The following KLHL29 variants were observed in gnomAD, a reference collection of about 807,000 sequenced individuals.
KLHL29 encodes the protein kelch-like protein 29.
In KLHL29, 21 loss-of-function variants were observed where a neutral mutation model predicts 80.4. The observed-to-expected ratio is 0.26, with a 90% CI of 0.19 to 0.38. KLHL29 has a LOEUF of 0.38. Among genes scored for constraint, KLHL29 ranks in the 10% least tolerant of loss-of-function variants. The pLI, the probability that KLHL29 is intolerant of heterozygous loss-of-function variation, is 1.00. For synonymous variants in KLHL29, 511 were observed against 526.8 expected (o/e 0.97, Z 0.41); for missense variants, 867 against 1,223.9 (o/e 0.71, Z 4.35).
chr2:23,612,944 G>A (rs1023059711), intron 3 of KLHL29, among the ~76,000 whole-genome samples: 5 of 152,060 alleles, frequency 3.3e-5, no homozygotes, highest in Non-Finnish European at 5.9e-5. Context: ...AACATATATA[G>A]AGAGAAATAA....
intron 2 of KLHL29, among the ~76,000 whole-genome samples, chr2:23,540,487 CCTT>C (rs776055034): frequency 7.2e-5 from 11 of 152,206 alleles, no homozygotes; most frequent in Non-Finnish European, 1.3e-4. Flanking sequence ...TCTTTCCTCT[CCTT>C]CTCTCCAAAT....
chr2:23,552,761 C>T (rs4665611), intron 2 of KLHL29, among the ~76,000 whole-genome samples: 97 of 95,462 alleles, frequency 1.0e-3, no homozygotes, highest in African/African-American at 1.5e-3. Context: ...GGTTTCTTTT[C>T]TTTTTTTTTT....
intron 1 of KLHL29, among the ~76,000 whole-genome samples, chr2:23,466,325 G>A (rs1664352834): frequency 6.6e-6 from 1 of 152,120 alleles, no homozygotes; most frequent in African/African-American, 2.4e-5. Flanking sequence ...ATATAAATAA[G>A]CCTTTAAGAA....
chr2:23,695,955 G>C lies in KLHL29; in HGVS notation c.1746G>C (p.Val582=). 6.4e-7 allele frequency: 1 copy of C among 1,551,290 alleles called. No individual in the cohort carries two copies. The highest frequency in any genetic ancestry group is 2.0e-5 in the Admixed American group (1 of 50,992). ...PRTRPRLSAG[V]AEVIVLVGGR... ...CGCCCATCCATGTCCCTGCAGGTGT[G>C]GCTGAGGTCATCGTCTTGGTTGGGG... is the stretch of plus-strand genomic sequence containing the variant. The change falls in exon 10 of 14, where the codon GTG becomes GTC. Residue 582 remains valine (V), a synonymous_variant. Coordinates refer to ENST00000486442, the MANE Select transcript of KLHL29 (RefSeq NM_052920.2). The surrounding 1 kb of genome is among the most constrained non-coding windows in gnomAD (Gnocchi z 7.6).
chr2:23,555,914 A>T (rs1667276216), intron 2 of KLHL29, among the ~76,000 whole-genome samples: 1 of 152,222 alleles, frequency 6.6e-6, no homozygotes, highest in Non-Finnish European at 1.5e-5. Context: ...GCATTTGGTG[A>T]TGCTGGGGGA....
At chr2:23,589,671 G>A (rs1204773916) in intron 3 of KLHL29, among the ~76,000 whole-genome samples, 1 of 152,218 alleles carries the variant, frequency 6.6e-6, no homozygotes, top group African/African-American at 2.4e-5. Context: ...GACCTGCAGA[G>A]AAGTAGGCTT....
intron 3 of KLHL29, among the ~76,000 whole-genome samples, chr2:23,584,336 G>A (rs1170171538): frequency 1.3e-5 from 2 of 152,314 alleles, no homozygotes; most frequent in Non-Finnish European, 2.9e-5. Flanking sequence ...GGGACTGGGG[G>A]CAGAGCTGCG....
rs531059504 is a variant in KLHL29, at chr2:23,522,155, T to A, written c.-45-39997T>A. On this transcript the variant is annotated intron_variant, in intron 2 of 13. Transcript: ENST00000486442. ...CAGTGTGTGTTTATTCTAAGGCTTT[T>A]TTTTTTCTTTTGAGATGGAGTCTAG... Among the ~76,000 whole-genome samples, 24 of 152,136 alleles carry A rather than the reference T, an allele frequency of 1.6e-4. No individual in the cohort carries two copies. The South Asian group carries it at 4.4e-3, about 28-fold the overall frequency.
chr2:23,691,958 G>A (rs1332411512), intron 7 of KLHL29, 82 bp downstream of exon 7: 7 of 1,400,812 alleles, frequency 5.0e-6, no homozygotes, highest in Middle Eastern at 1.8e-4. Context: ...GGACTGAGCG[G>A]GGAGGTCTGT....
At chr2:23,631,633 CCG>C (rs1669471952) in intron 3 of KLHL29, among the ~76,000 whole-genome samples, 1 of 152,194 alleles carries the variant, frequency 6.6e-6, no homozygotes, top group Non-Finnish European at 1.5e-5. Flanking sequence ...TCCCCTGGCC[CCG>C]CGTAGGGATT....
chr2:23,629,668 A>T (rs536326930), intron 3 of KLHL29, among the ~76,000 whole-genome samples: 1 of 152,318 alleles, frequency 6.6e-6, no homozygotes, highest in East Asian at 1.9e-4. Flanking sequence ...TGTGCAAGGG[A>T]GGCCATCTGT....
intron 2 of KLHL29, among the ~76,000 whole-genome samples, chr2:23,543,902 C>T (rs567503312): frequency 1.3e-5 from 2 of 152,252 alleles, no homozygotes; most frequent in East Asian, 1.9e-4. Context: ...CTGCCCACCC[C>T]GGGCTGGTGA....
chr2:23,591,102 T>C (rs1668248251), intron 3 of KLHL29, among the ~76,000 whole-genome samples: 1 of 152,040 alleles, frequency 6.6e-6, no homozygotes, highest in Non-Finnish European at 1.5e-5. Context: ...GCTGCGACTT[T>C]AAACAGCACA....
At chr2:23,521,271 C>T (rs949905494) in intron 2 of KLHL29, among the ~76,000 whole-genome samples, 1 of 152,098 alleles carries the variant, frequency 6.6e-6, no homozygotes, top group African/African-American at 2.4e-5. Flanking sequence ...TGGCCCAAGC[C>T]CTCCTAGCCA....
At chr2:23,519,745 T>C (rs190973527) in intron 2 of KLHL29, among the ~76,000 whole-genome samples, 5 of 152,208 alleles carry the variant, frequency 3.3e-5, no homozygotes, top group African/African-American at 9.6e-5. Flanking sequence ...AATCAATATA[T>C]GTAAGAAGTA....
At chr2:23,572,800 A>C (rs1330505876) in intron 3 of KLHL29, among the ~76,000 whole-genome samples, 1 of 150,556 alleles carries the variant, frequency 6.6e-6, no homozygotes, top group South Asian at 2.1e-4. Flanking sequence ...TCCCGGGTTC[A>C]CACCATTCTT....
intron 3 of KLHL29, among the ~76,000 whole-genome samples, chr2:23,629,314 G>A (rs1190325937): frequency 1.3e-5 from 2 of 152,178 alleles, no homozygotes; most frequent in African/African-American, 4.8e-5. Flanking sequence ...TGATATCAGA[G>A]GGGAGCTGAA....
At chr2:23,504,837 G>A (rs908483360) in intron 2 of KLHL29, among the ~76,000 whole-genome samples, 2 of 152,174 alleles carry the variant, frequency 1.3e-5, no homozygotes, top group African/African-American at 2.4e-5. Flanking sequence ...CCTGTGGGCC[G>A]CCATTCTGGC....
Position 23,642,538 on chromosome 2 carries a change from C to A in KLHL29, c.628C>A (p.Pro210Thr). ...AGGCCACTACTCGCTCCCTCAGCCGCCCTCTCAGCCACTGAGCAGCGTGGT... is the reference window on the plus strand; with the variant it reads ...AGGCCACTACTCGCTCCCTCAGCCGACCTCTCAGCCACTGAGCAGCGTGGT... ...MPGHYSLPQP[P>T]SQPLSSVVVN... The change falls in exon 5 of 14, where the codon CCC (proline) becomes ACC (threonine). Residue 210 changes from proline (P) to threonine (T), a missense_variant. Pro to Thr is a conservative substitution (Grantham distance 38). Coordinates refer to ENST00000486442, the MANE Select transcript of KLHL29 (RefSeq NM_052920.2). The A allele has an allele frequency of 6.5e-7, 1 of 1,540,224 alleles. No homozygotes were observed.
Sources: gnomAD v4.1 joint callset for allele counts (sites outside exome capture counted in the v4.1 genomes callset) on GRCh38, gnomAD v4.1.1 for gene constraint, Gnocchi (gnomAD v3.1) non-coding constraint, MANE v1.5 for transcripts, NCBI Gene and HGNC (gene_info 2026-07-23, HGNC 2026-07-21) for gene names.